The following GPR107 variants were observed in gnomAD, a reference collection of about 807,000 sequenced individuals.
GPR107 encodes the protein G protein-coupled receptor 107.
Under a neutral mutation model 75.5 loss-of-function variants are expected in GPR107, and 31 were observed. That is an observed-to-expected ratio of 0.41 (90% CI 0.31 to 0.55). The LOEUF (loss-of-function observed/expected upper bound fraction) is 0.55. GPR107 is among the 20% of genes least tolerant of loss of function. The pLI is 0.26. For missense variants in GPR107, 572 were observed against 665.7 expected, an observed-to-expected ratio of 0.86 and a Z score of 1.55; for synonymous variants, 267 against 251.3, an observed-to-expected ratio of 1.06 and a Z score of -0.59.
At chr9:130,132,199 C>T (rs117275811) in intron 17 of GPR107, among the ~76,000 whole-genome samples, 2,444 of 152,262 alleles carry the variant, frequency 0.016, 35 homozygotes, top group Non-Finnish European at 0.027. Context: ...GTGCCCAGCC[C>T]TTCCTGTCCA....
chr9:130,130,682 C>A (rs1554898894), intron 17 of GPR107, among the ~76,000 whole-genome samples: 1 of 152,034 alleles, frequency 6.6e-6, no homozygotes. Context: ...CCAGCCTGGC[C>A]AACATGGTGA....
intron 17 of GPR107, among the ~76,000 whole-genome samples, chr9:130,132,693 C>T (rs143079682): frequency 0.011 from 1,678 of 151,892 alleles, 12 homozygotes; most frequent in Middle Eastern, 0.017. Flanking sequence ...GGTTGAGGCA[C>T]GAGAATCACT....
intron 14 of GPR107, among the ~76,000 whole-genome samples, chr9:130,121,459 G>A (rs1024820715): frequency 6.6e-6 from 1 of 152,146 alleles, no homozygotes; most frequent in Admixed American, 6.5e-5. Flanking sequence ...GGTTCCCTGG[G>A]ACCCCCAAAA....
intron 4 of GPR107, 25 bp downstream of exon 4, chr9:130,077,403 G>A (rs1375561582): frequency 8.8e-7 from 1 of 1,133,544 alleles, no homozygotes; most frequent in Non-Finnish European, 1.3e-6. Flanking sequence ...AGTTCCTTCA[G>A]TTCAGTCCTA....
chr9:130,060,701 G>T (rs921629718), intron 1 of GPR107, among the ~76,000 whole-genome samples: 16 of 152,138 alleles, frequency 1.1e-4, no homozygotes, highest in East Asian at 3.8e-4. Flanking sequence ...TGAGCAAGTG[G>T]ACAGGAAGTG....
chr9:130,108,775 G>C, intron 14 of GPR107: 1 of 455,804 alleles, frequency 2.2e-6, no homozygotes, highest in Non-Finnish European at 4.4e-6. Context: ...AAAGATACCA[G>C]GTTCCCTTCT....
intron 9 of GPR107, among the ~76,000 whole-genome samples, chr9:130,097,146 C>CTTTTCTTTCTTT (rs1564673041): frequency 2.0e-5 from 1 of 50,980 alleles, no homozygotes. Context: ...CTTTACTTTT[C>CTTTTCTTTCTTT]TTTTTTTTCT....
chr9:130,122,313 T>C (rs1161434105), intron 14 of GPR107, among the ~76,000 whole-genome samples: 1 of 152,228 alleles, frequency 6.6e-6, no homozygotes, highest in African/African-American at 2.4e-5. Context: ...GTTCCGGTCA[T>C]GTCACTGGTT....
chr9:130,114,481 CAT>C (rs1831377020), intron 14 of GPR107: 2 of 336,832 alleles, frequency 5.9e-6, no homozygotes, highest in Non-Finnish European at 1.2e-5. Flanking sequence ...CTCCTAGGCT[CAT>C]GTGATCGTCT....
chr9:130,128,925 C>G (rs963996280), intron 17 of GPR107, 164 bp downstream of exon 17: 1 of 652,652 alleles, frequency 1.5e-6, no homozygotes. Flanking sequence ...GCTGTCTGAT[C>G]TGGTTTGAAG....
intron 6 of GPR107, among the ~76,000 whole-genome samples, chr9:130,085,754 A>ATTTTTTTTTATTTTTTTT (rs1830598819): frequency 1.3e-5 from 1 of 78,674 alleles, no homozygotes; most frequent in Non-Finnish European, 2.4e-5. Flanking sequence ...CAATATTTTG[A>ATTTTTTTTTATTTTTTTT]TTTTTTTTTT....
In GPR107 at chr9:130,135,079, C is replaced by G; in HGVS notation, c.1617C>G (p.Asn539Lys). Residue 539 changes from asparagine to lysine, a missense_variant, in exon 18 of 18, where the codon AAC (asparagine) becomes AAG (lysine). Asn to Lys is a moderately conservative substitution (Grantham distance 94). Transcript: ENST00000347136. The stretch of plus-strand genomic sequence containing the variant: ...TGAAGAAAGTCAAGAAGGTGACCAA[C>G]GGCTCCGTGGAGCCCCAGGGCGAGT... ...ESMKKVKKVT[N>K]GSVEPQGEWE... 1 of 1,610,952 alleles carries G rather than the reference C, an allele frequency of 6.2e-7. No individual in the cohort carries two copies. Among genetic ancestry groups the G allele is most frequent in the Non-Finnish European group, 8.5e-7 (1 of 1,177,814 alleles).
intron 17 of GPR107, 100 bp from the exon 18 acceptor site, chr9:130,134,925 C>A: frequency 1.4e-6 from 1 of 739,808 alleles, no homozygotes; most frequent in Non-Finnish European, 2.4e-6. Context: ...TTTCAAAAAC[C>A]AACACCCATC....
At chr9:130,099,335 T>G in intron 9 of GPR107, 122 bp from the exon 10 acceptor site, 7 of 609,288 alleles carry the variant, frequency 1.1e-5, no homozygotes, top group Non-Finnish European at 1.2e-5. Flanking sequence ...AAAAGTTTCA[T>G]GTTTGTGGTT....
At position 130,135,375 on chromosome 9, in the gene GPR107, A is replaced by G; in HGVS notation, c.*254A>G. ...GGGCGGGCACAGGGAGGAGGAGAGG[A>G]AGAGAAAAGGAAGAATTCATTTTTA... On this transcript the variant is annotated 3_prime_UTR_variant, in exon 18 of 18. Transcript: ENST00000347136. The G allele has an allele frequency of 2.3e-6, 1 of 425,614 alleles. No homozygotes were observed. 26.4% of individuals were successfully genotyped at this position (425,614 alleles called of 1,614,324 possible). A position where few individuals can be genotyped will look rare whatever the true frequency, so the allele number is the denominator to read the frequency against.
intron 4 of GPR107, 151 bp downstream of exon 4, chr9:130,077,529 G>A: frequency 1.6e-6 from 1 of 609,602 alleles, no homozygotes; most frequent in Non-Finnish European, 2.9e-6. Context: ...CAGAGGTCCT[G>A]TCCTTGATGG....
At chr9:130,074,633 G>GATTATCTTGTATCCAAAAGA (rs1230020963) in intron 1 of GPR107, among the ~76,000 whole-genome samples, 1 of 152,028 alleles carries the variant, frequency 6.6e-6, no homozygotes, top group Non-Finnish European at 1.5e-5. Flanking sequence ...CAAACCTTAG[G>GATTATCTTGTATCCAAAAGA]ATTATCTTGT....
At chr9:130,055,341 C>T (rs951046132) in intron 1 of GPR107, among the ~76,000 whole-genome samples, 3 of 151,750 alleles carry the variant, frequency 2.0e-5, no homozygotes, top group Admixed American at 2.0e-4. Context: ...TGGTGGCAGG[C>T]GCCTGCAGTC....
At chr9:130,063,348 A>G (rs957357648) in intron 1 of GPR107, among the ~76,000 whole-genome samples, 3 of 152,062 alleles carry the variant, frequency 2.0e-5, no homozygotes, top group African/African-American at 7.2e-5. Flanking sequence ...TTGCCACCAC[A>G]TCCGGCAAAT....
Sources: gnomAD v4.1 joint callset for allele counts (sites outside exome capture counted in the v4.1 genomes callset) on GRCh38, gnomAD v4.1.1 for gene constraint, MANE v1.5 for transcripts, NCBI Gene and HGNC (gene_info 2026-07-23, HGNC 2026-07-21) for gene names.